The following KLHDC4 variants were observed in gnomAD, a reference collection of about 807,000 sequenced individuals.
KLHDC4 encodes kelch domain containing 4.
KLHDC4 carries 90 observed loss-of-function variants against 62.4 expected under a neutral mutation model. The ratio of observed to expected loss-of-function variants is 1.44; its 90% CI spans 1.22 to 1.72. The LOEUF is 1.72. KLHDC4 is among the 40% of genes most tolerant of loss of function. The pLI is 0.00. For synonymous variants in KLHDC4, 386 were observed against 284.4 expected, an observed-to-expected ratio of 1.36 and a Z score of -3.59; for missense variants, 1,025 against 699.7, an observed-to-expected ratio of 1.47 and a Z score of -5.25.
chr16:87,706,478 C>T (rs532429483), downstream of KLHDC4, among the ~76,000 whole-genome samples: 8 of 151,796 alleles, frequency 5.3e-5, no homozygotes, highest in African/African-American at 1.4e-4. Context: ...CTGCAGCCCT[C>T]GAGGGGGGCG....
intron 5 of KLHDC4, 47 bp from the exon 6 acceptor site, chr16:87,730,691 G>T: frequency 6.5e-7 from 1 of 1,533,722 alleles, no homozygotes. Context: ...CTTAATTTCT[G>T]GTTGTTCTAA....
At chr16:87,748,497 G>C (rs1022154024) in intron 5 of KLHDC4, among the ~76,000 whole-genome samples, 176 bp downstream of exon 5, 4 of 152,164 alleles carry the variant, frequency 2.6e-5, no homozygotes, top group Admixed American at 6.5e-5. Context: ...CCAGGCTTCT[G>C]TATGAAGGGT....
rs530212781 is a variant in KLHDC4, at chr16:87,723,146, G to A, written c.759+3619C>T. On this transcript the variant is annotated intron_variant, in intron 7 of 11. Transcript: ENST00000270583. The stretch of plus-strand genomic sequence containing the variant: ...CATGTACCAAAGTTTCTATCAGTTC[G>A]TGCACACTGCCGCTTCAGCCATGGC... Among the ~76,000 whole-genome samples the A allele has an allele frequency of 1.1e-4, 17 of 152,358 alleles. No individual in the cohort carries two copies. In the South Asian group the frequency reaches 1.9e-3, roughly 17 times the overall value.
chr16:87,743,155 C>T (rs80260476), intron 5 of KLHDC4: 14,860 of 152,288 alleles, frequency 0.098, 1,010 homozygotes, highest in Non-Finnish European at 0.15. Flanking sequence ...GCCCAGGTTG[C>T]AGTACAGTGA....
chr16:87,728,480 G>A (rs2039767162), intron 6 of KLHDC4, among the ~76,000 whole-genome samples: 1 of 147,348 alleles, frequency 6.8e-6, no homozygotes, highest in South Asian at 2.2e-4. Context: ...TTTTAAACAA[G>A]ATAACAACAG....
intron 2 of KLHDC4, among the ~76,000 whole-genome samples, chr16:87,757,717 C>G (rs991451456): frequency 2.6e-5 from 4 of 151,644 alleles, no homozygotes; most frequent in African/African-American, 9.7e-5. Context: ...CGGTGAAACC[C>G]CCCGTCTCTA....
chr16:87,704,808 G>T (rs956390436), downstream of KLHDC4, among the ~76,000 whole-genome samples: 7 of 152,088 alleles, frequency 4.6e-5, no homozygotes, highest in Non-Finnish European at 4.4e-5. Flanking sequence ...AAGCTCAATG[G>T]GTGGTTCCCT....
At chr16:87,765,672 G>C (rs1056624235) in intron 1 of KLHDC4, 120 bp downstream of exon 1, 1 of 958,970 alleles carries the variant, frequency 1.0e-6, no homozygotes, top group African/African-American at 1.7e-5. Flanking sequence ...ACGGCCTCCA[G>C]CTCTCCCGCA....
chr16:87,761,942 T>C lies in KLHDC4; in HGVS notation c.191+7A>G, dbSNP rs949757940. 2.5e-6 allele frequency: 4 copies of C among 1,612,394 alleles called. No homozygotes were observed. The African/African-American group carries it at 5.3e-5, about 22-fold the overall frequency. On this transcript the variant is annotated splice_region_variant and intron_variant, in intron 2 of 11. Coordinates refer to ENST00000270583, the MANE Select transcript of KLHDC4 (RefSeq NM_017566.4). ...AACATACAATATGAAAAATGCTACTTGCTCACCTTGGTGAGGGTGGGGGGC... is the reference window on the plus strand; with the variant it reads ...AACATACAATATGAAAAATGCTACTCGCTCACCTTGGTGAGGGTGGGGGGC...
At chr16:87,741,053 C>G (rs528752401) in intron 5 of KLHDC4, 1 of 152,282 alleles carries the variant, frequency 6.6e-6, no homozygotes, top group African/African-American at 2.4e-5. Flanking sequence ...GCCATTACCC[C>G]CCTCATTTCC....
chr16:87,747,147 G>A (rs58761914), intron 5 of KLHDC4, among the ~76,000 whole-genome samples: 32,682 of 152,192 alleles, frequency 0.21, 3,724 homozygotes, highest in South Asian at 0.32. Context: ...GAGCCCTCAT[G>A]TCACAGACAG....
chr16:87,723,782 G>C (rs2038865281), intron 7 of KLHDC4, among the ~76,000 whole-genome samples: 1 of 152,222 alleles, frequency 6.6e-6, no homozygotes, highest in Non-Finnish European at 1.5e-5. Context: ...TGTTCCTGCA[G>C]GCATGTGATT....
chr16:87,747,132 C>T (rs1033128477), intron 5 of KLHDC4, among the ~76,000 whole-genome samples: 6 of 152,210 alleles, frequency 3.9e-5, no homozygotes, highest in African/African-American at 9.7e-5. Context: ...CCTGAAGGCA[C>T]GAGAGAGCCC....
At chr16:87,701,800 C>T (rs2034156115) in exon 1 of KLHDC4, 1 of 456,644 alleles carries the variant, frequency 2.2e-6, no homozygotes, top group South Asian at 1.5e-5. Flanking sequence ...CGTCTGTGCC[C>T]CATGGGACAG....
intron 5 of KLHDC4, among the ~76,000 whole-genome samples, chr16:87,735,011 T>C (rs1385575303): frequency 2.3e-4 from 2 of 8,826 alleles, no homozygotes; most frequent in African/African-American, 9.6e-4. Flanking sequence ...CCCCTCCCCC[T>C]CCTGACGAAT....
intron 1 of KLHDC4, chr16:87,763,534 G>A (rs529923603): frequency 6.6e-6 from 1 of 152,300 alleles, no homozygotes; most frequent in Admixed American, 6.5e-5. Flanking sequence ...GAGCCTGGGA[G>A]GCAGAGGTTG....
rs1314982720 is a variant in KLHDC4, at chr16:87,718,198, TG to T, written c.760-3626del. Reference sequence around the variant, plus strand: ...ACGGCCTTGTTGCCCTCTGTTTTTCTGGATCACCTGTGCTCAAGCTCTATTA... The same window carrying T: ...ACGGCCTTGTTGCCCTCTGTTTTTCTGATCACCTGTGCTCAAGCTCTATTA... On this transcript the variant is annotated intron_variant, in intron 7 of 11. Coordinates refer to ENST00000270583, the MANE Select transcript of KLHDC4 (RefSeq NM_017566.4). Among the ~76,000 whole-genome samples, 10 of 152,348 alleles carry T rather than the reference TG, an allele frequency of 6.6e-5. No individual in the cohort carries two copies. The East Asian group carries it at 1.7e-3, about 26-fold the overall frequency.
intron 5 of KLHDC4, chr16:87,743,118 T>A (rs1567775574): frequency 6.6e-6 from 1 of 152,228 alleles, no homozygotes; most frequent in Non-Finnish European, 1.5e-5. Flanking sequence ...TTCTGATGTT[T>A]CGTTAAGTCA....
chr16:87,728,386 T>G (rs1475962950), intron 6 of KLHDC4, among the ~76,000 whole-genome samples: 2 of 152,206 alleles, frequency 1.3e-5, no homozygotes, highest in Non-Finnish European at 2.9e-5. Flanking sequence ...AGATTCTACT[T>G]TGCACGTAAG....
Sources: allele counts gnomAD v4.1 joint callset (sites outside exome capture counted in the v4.1 genomes callset), GRCh38; gene constraint gnomAD v4.1.1; transcripts MANE v1.5; gene names NCBI Gene and HGNC (gene_info 2026-07-23, HGNC 2026-07-21).